The following NHSL3 variants were observed in gnomAD, a reference collection of about 807,000 sequenced individuals.
The protein encoded by NHSL3 is NHS like 3.
the NHSL3 span, among the ~76,000 whole-genome samples, chr1:32,752,680 C>A: frequency 1.3e-5 from 2 of 151,424 alleles, no homozygotes; most frequent in Non-Finnish European, 2.9e-5. Flanking sequence ...CAGGTTCAAG[C>A]GATCCTCCCA....
At chr1:32,762,827 A>T in the NHSL3 span, among the ~76,000 whole-genome samples, 1 of 151,900 alleles carries the variant, frequency 6.6e-6, no homozygotes, top group African/African-American at 2.4e-5. Context: ...TGACCTCGTG[A>T]TCCACCCACC....
the NHSL3 span, among the ~76,000 whole-genome samples, chr1:32,760,593 T>G: frequency 1.1e-4 from 12 of 108,504 alleles, no homozygotes; most frequent in South Asian, 1.0e-3. Context: ...TGTGTGTTTT[T>G]TTTTTTTTTT....
the NHSL3 span, chr1:32,742,160 A>C: frequency 1.1e-5 from 14 of 1,244,320 alleles, no homozygotes; most frequent in Non-Finnish European, 1.2e-5. Flanking sequence ...GCGGAGGACA[A>C]GGCCAAGAGG....
the NHSL3 span, chr1:32,771,669 G>A: frequency 9.3e-6 from 15 of 1,611,076 alleles, no homozygotes; most frequent in East Asian, 6.7e-5. Flanking sequence ...TTCAGCCCCC[G>A]GGTAGCCCAG....
At chr1:32,752,683 T>TCCTCCCA in the NHSL3 span, among the ~76,000 whole-genome samples, 1 of 151,342 alleles carries the variant, frequency 6.6e-6, no homozygotes, top group Non-Finnish European at 1.5e-5. Flanking sequence ...GTTCAAGCGA[T>TCCTCCCA]CCTCCCACCT....
chr1:32,769,890 T>C, the NHSL3 span: 14 of 1,609,628 alleles, frequency 8.7e-6, no homozygotes, highest in African/African-American at 1.3e-5. Context: ...GCCTGAGGAA[T>C]GAGCGTGAGG....
At chr1:32,756,086 C>T in the NHSL3 span, among the ~76,000 whole-genome samples, 1 of 152,166 alleles carries the variant, frequency 6.6e-6, no homozygotes, top group African/African-American at 2.4e-5. Flanking sequence ...CCTGCTGCAA[C>T]TTATGGGTCA....
the NHSL3 span, among the ~76,000 whole-genome samples, chr1:32,746,731 C>G: frequency 6.6e-6 from 1 of 152,174 alleles, no homozygotes; most frequent in Non-Finnish European, 1.5e-5. Flanking sequence ...GTGAGGTTCA[C>G]AGCATCACAA....
chr1:32,759,350 A>C, the NHSL3 span, among the ~76,000 whole-genome samples: 1 of 152,206 alleles, frequency 6.6e-6, no homozygotes, highest in Non-Finnish European at 1.5e-5. Flanking sequence ...TGGCATCCAT[A>C]AGATGGGGAT....
At chr1:32,754,513 A>G in the NHSL3 span, among the ~76,000 whole-genome samples, 1 of 152,094 alleles carries the variant, frequency 6.6e-6, no homozygotes. Context: ...AGGTACATGT[A>G]TACCTATGCA....
the NHSL3 span, among the ~76,000 whole-genome samples, chr1:32,749,187 G>A: frequency 2.6e-5 from 4 of 152,172 alleles, no homozygotes; most frequent in African/African-American, 9.7e-5. Context: ...GAAATGGAAG[G>A]ATGAAAGGAA....
chr1:32,754,163 C>A, the NHSL3 span: 1 of 710,738 alleles, frequency 1.4e-6, no homozygotes, highest in Non-Finnish European at 2.6e-6. Context: ...TTCGGGCGGT[C>A]GGCGAAGCGG....
the NHSL3 span, chr1:32,772,842 T>C: frequency 1.9e-6 from 3 of 1,613,300 alleles, no homozygotes; most frequent in East Asian, 2.2e-5. Flanking sequence ...CCTTGCTAAG[T>C]GTCTCTTATT....
At chr1:32,763,276 G>T in the NHSL3 span, among the ~76,000 whole-genome samples, 2 of 152,174 alleles carry the variant, frequency 1.3e-5, no homozygotes, top group South Asian at 4.1e-4. Flanking sequence ...GAGCCACCGT[G>T]CACGGCCAGA....
the NHSL3 span, among the ~76,000 whole-genome samples, chr1:32,743,718 G>A: frequency 6.6e-6 from 1 of 152,230 alleles, no homozygotes; most frequent in Non-Finnish European, 1.5e-5. Context: ...TGGAAAAGCT[G>A]AGCCTGTAGG....
chr1:32,752,934 CACACACACACACACACATATATAT>C, the NHSL3 span, among the ~76,000 whole-genome samples: 919 of 9,600 alleles, frequency 0.096, 23 homozygotes, highest in South Asian at 0.28. Flanking sequence ...CACACACACA[CACACACACACACACACATATATAT>C]ATATATATAT....
the NHSL3 span, among the ~76,000 whole-genome samples, chr1:32,763,535 G>A: frequency 9.9e-5 from 15 of 152,172 alleles, no homozygotes; most frequent in African/African-American, 2.6e-4. Flanking sequence ...CAGTATTCAA[G>A]TGTCAGTTCC....
the NHSL3 span, among the ~76,000 whole-genome samples, chr1:32,769,223 C>T: frequency 6.6e-6 from 1 of 151,648 alleles, no homozygotes; most frequent in East Asian, 1.9e-4. Context: ...CACTGCACTC[C>T]AGCCTGGTCG....
At chr1:32,749,470 G>A in the NHSL3 span, among the ~76,000 whole-genome samples, 18 of 152,048 alleles carry the variant, frequency 1.2e-4, no homozygotes, top group Non-Finnish European at 2.2e-4. Context: ...CTCATGGCCC[G>A]AGATGTCATA....
Sources: allele counts gnomAD v4.1 joint callset (sites outside exome capture counted in the v4.1 genomes callset), GRCh38; gene constraint gnomAD v4.1.1; transcripts MANE v1.5; gene names NCBI Gene and HGNC (gene_info 2026-07-23, HGNC 2026-07-21).